Variants in PPP2R5C observed in about 807,000 individuals in gnomAD.
The protein encoded by PPP2R5C is protein phosphatase 2 regulatory subunit B'gamma, also known as serine/threonine-protein phosphatase 2A 56 kDa regulatory subunit gamma isoform.
A neutral mutation model predicts 68.9 loss-of-function variants in PPP2R5C; 7 were observed. That is an observed-to-expected ratio of 0.10 (90% CI 0.06 to 0.19). PPP2R5C has a LOEUF of 0.19. PPP2R5C is among the 10% of genes least tolerant of loss of function. The probability of loss-of-function intolerance (pLI) is 1.00; values close to 1 mark genes in which losing one functional copy is unlikely to be tolerated. For synonymous variants in PPP2R5C, 210 were observed against 222.2 expected (o/e 0.95, Z 0.49); for missense variants, 348 against 641.3 (o/e 0.54, Z 4.94).
chr14:101,896,460 G>A (rs745925679), intron 8 of PPP2R5C, among the ~76,000 whole-genome samples: 2 of 151,726 alleles, frequency 1.3e-5, no homozygotes, highest in Admixed American at 6.6e-5. Context: ...TTGGCCGGGC[G>A]CGGTGGCTCA....
In PPP2R5C at chr14:101,822,680, A is replaced by G. The variant is rs551405270; in HGVS notation, c.94+12644A>G. Among the ~76,000 whole-genome samples the G allele has an allele frequency of 2.7e-4, 41 of 152,326 alleles. 1 individual carries two copies. Among genetic ancestry groups the G allele is most frequent in the African/African-American group, 9.4e-4 (39 of 41,564 alleles). On this transcript the variant is annotated intron_variant, in intron 1 of 13. Coordinates refer to ENST00000334743, the Ensembl canonical transcript of PPP2R5C. ...AGGTATTGAAACTGGCCTTTTGAAG[A>G]CATATAAACTTCTGGGGACTGACTT...
Position 101,877,480 on chromosome 14 carries a change from A to T in PPP2R5C, c.295-4681A>T, listed in dbSNP as rs1290802202. 6.6e-6 allele frequency among the ~76,000 whole-genome samples: 1 copy of T among 151,752 alleles called. No individual in the cohort carries two copies. The highest frequency in any genetic ancestry group is 2.4e-5 in the African/African-American group (1 of 41,260). On this transcript the variant is annotated intron_variant, in intron 2 of 13. Coordinates refer to ENST00000334743, the Ensembl canonical transcript of PPP2R5C. This position sits in a 1 kb window ranked among gnomAD's most constrained non-coding sequence, Gnocchi z 4.2. The stretch of plus-strand genomic sequence containing the variant: ...GCCCAGAAGACCCGGGACTCCTTAG[A>T]CCTCAGAGCTTCTTTGGTGTTCACT...
At chr14:101,778,906 A>G (rs1046487189) in intron 2 of PPP2R5C, among the ~76,000 whole-genome samples, 2 of 152,094 alleles carry the variant, frequency 1.3e-5, no homozygotes, top group African/African-American at 4.8e-5. Context: ...CAAAAAATAC[A>G]AAAATTAGCC....
chr14:101,890,509 G>A (rs911273696), intron 6 of PPP2R5C, among the ~76,000 whole-genome samples: 1 of 152,158 alleles, frequency 6.6e-6, no homozygotes, highest in African/African-American at 2.4e-5. Context: ...GGTTCTGTAC[G>A]TAGATTCTAC....
chr14:101,843,249 C>T (rs1420617379), intron 1 of PPP2R5C: 1 of 156,378 alleles, frequency 6.4e-6, no homozygotes, highest in African/African-American at 2.4e-5. Flanking sequence ...CATTTGGGAA[C>T]AACATATTCT....
intron 1 of PPP2R5C, among the ~76,000 whole-genome samples, chr14:101,822,155 A>G (rs1384927441): frequency 7.1e-6 from 1 of 140,452 alleles, no homozygotes; most frequent in Non-Finnish European, 1.5e-5. Context: ...TATCAGAGCC[A>G]GGGTTAAGGC....
rs1002973123 is a variant in PPP2R5C at position 101,917,255 on chromosome 14, G to A, written c.1327-576G>A. 6.6e-6 allele frequency among the ~76,000 whole-genome samples: 1 copy of A among 152,202 alleles called. No homozygotes were observed. Among genetic ancestry groups the A allele is most frequent in the African/African-American group, 2.4e-5 (1 of 41,452 alleles). On this transcript the variant is annotated intron_variant, in intron 12 of 13. Coordinates refer to ENST00000334743, the Ensembl canonical transcript of PPP2R5C. The surrounding 1 kb of genome is among the most constrained non-coding windows in gnomAD (Gnocchi z 4.4). ...GCCGCCCGTAGGGAATGGAGAGGGAGCGTCAGGCTCACCCAGGCTGCGTTT... is the reference window on the plus strand; with the variant it reads ...GCCGCCCGTAGGGAATGGAGAGGGAACGTCAGGCTCACCCAGGCTGCGTTT...
At chr14:101,830,468 A>G (rs528069196) in intron 1 of PPP2R5C, among the ~76,000 whole-genome samples, 13 of 152,306 alleles carry the variant, frequency 8.5e-5, no homozygotes, top group African/African-American at 3.1e-4. Flanking sequence ...TGTTGGCCCA[A>G]ATCAGCATAA....
chr14:101,890,158 C>T (rs996510132), intron 5 of PPP2R5C, 79 bp from the exon 8 acceptor site: 2 of 1,310,844 alleles, frequency 1.5e-6, no homozygotes, highest in Non-Finnish European at 2.2e-6. Context: ...TGCCTGGCTC[C>T]ATGGCTCCTC....
At chr14:101,836,283 G>T in intron 1 of PPP2R5C, 1 of 702,766 alleles carries the variant, frequency 1.4e-6, no homozygotes, top group South Asian at 1.5e-5. Context: ...GAACCCCGCG[G>T]CCCCCAAAGC....
chr14:101,857,020 A>T, intron 2 of PPP2R5C, 135 bp downstream of exon 4: 1 of 851,350 alleles, frequency 1.2e-6, no homozygotes, highest in Non-Finnish European at 1.8e-6. Flanking sequence ...TGCTTGAAGA[A>T]TGAAAATTTT....
At chr14:101,921,680 A>G (rs1233774316) in intron 13 of PPP2R5C, among the ~76,000 whole-genome samples, 1 of 152,212 alleles carries the variant, frequency 6.6e-6, no homozygotes, top group Non-Finnish European at 1.5e-5. Context: ...ATTTTCAGCT[A>G]ACTTTATTTT....
intron 3 of PPP2R5C, among the ~76,000 whole-genome samples, chr14:101,786,394 T>C (rs1459101329): frequency 6.6e-6 from 1 of 152,106 alleles, no homozygotes; most frequent in African/African-American, 2.4e-5. Context: ...AAGATAAAAG[T>C]TTAACAACAC....
intron 5 of PPP2R5C, 101 bp downstream of exon 7, chr14:101,883,663 G>A (rs112569704): frequency 0.05 from 70,534 of 1,421,904 alleles, 1,920 homozygotes; most frequent in Non-Finnish European, 0.054. Flanking sequence ...GACTCAGCAT[G>A]TGGAGGGGGT....
chr14:101,851,939 C>A (rs2042178212), intron 1 of PPP2R5C, among the ~76,000 whole-genome samples: 1 of 152,182 alleles, frequency 6.6e-6, no homozygotes, highest in Admixed American at 6.5e-5. Context: ...TGTCACAGCT[C>A]TCACTCCCTT....
intron 1 of PPP2R5C, among the ~76,000 whole-genome samples, chr14:101,834,290 G>A (rs2040943999): frequency 6.6e-6 from 1 of 152,222 alleles, no homozygotes; most frequent in East Asian, 1.9e-4. Context: ...TCTCCTGTCT[G>A]CACATGCAGG....
intron 2 of PPP2R5C, among the ~76,000 whole-genome samples, chr14:101,867,026 G>A (rs2140715069): frequency 6.6e-6 from 1 of 152,266 alleles, no homozygotes; most frequent in African/African-American, 2.4e-5. Context: ...AGAGCAGCCT[G>A]GCCAACGTGG....
exon 14 of PPP2R5C, chr14:101,925,352 CCAAT>C: frequency 1.9e-6 from 3 of 1,558,176 alleles, no homozygotes; most frequent in Non-Finnish European, 2.6e-6. Context: ...CTGTGCCATA[CCAAT>C]CAGTTACACT....
chr14:101,832,689 CAG>C (rs2140346680), intron 1 of PPP2R5C, among the ~76,000 whole-genome samples: 1 of 152,266 alleles, frequency 6.6e-6, no homozygotes, highest in African/African-American at 2.4e-5. Flanking sequence ...GGACTCCACA[CAG>C]AGGAGCAGGG....
Sources: gnomAD v4.1 joint callset for allele counts (sites outside exome capture counted in the v4.1 genomes callset) on GRCh38, gnomAD v4.1.1 for gene constraint, Gnocchi (gnomAD v3.1) non-coding constraint, MANE v1.5 for transcripts, NCBI Gene and HGNC (gene_info 2026-07-23, HGNC 2026-07-21) for gene names.